PRKD1: variants seen among roughly 807,000 people sequenced by gnomAD.
The protein encoded by PRKD1 is protein kinase D1.
In PRKD1, 63 loss-of-function variants were observed where a neutral mutation model predicts 95.9. The ratio of observed to expected loss-of-function variants is 0.66; its 90% CI spans 0.54 to 0.81. PRKD1 has a LOEUF of 0.81. Ranked by LOEUF, PRKD1 falls within the 30% of genes least tolerant of loss-of-function variation. The pLI is 0.00. For missense variants in PRKD1, 1,048 were observed against 1,165.3 expected (o/e 0.90, Z 1.47); for synonymous variants, 425 against 423.1 (o/e 1.00, Z -0.05).
chr14:29,864,232 C>T (rs963385650), intron 1 of PRKD1, among the ~76,000 whole-genome samples: 4 of 151,968 alleles, frequency 2.6e-5, no homozygotes, highest in African/African-American at 9.7e-5. Flanking sequence ...CAGAAGACAA[C>T]TATATAACTG....
chr14:29,769,879 C>T (rs540080051), intron 1 of PRKD1, among the ~76,000 whole-genome samples: 19 of 152,294 alleles, frequency 1.2e-4, no homozygotes, highest in African/African-American at 4.6e-4. Context: ...ATTATACCTG[C>T]TATGATCTAA....
intron 1 of PRKD1, among the ~76,000 whole-genome samples, chr14:29,867,890 T>C (rs926171433): frequency 3.9e-5 from 6 of 152,194 alleles, no homozygotes; most frequent in Non-Finnish European, 8.8e-5. Context: ...TTTTAAACTA[T>C]AAAGAATCTA....
chr14:29,647,847 G>A (rs1338584081), intron 4 of PRKD1, among the ~76,000 whole-genome samples: 2 of 152,204 alleles, frequency 1.3e-5, no homozygotes, highest in Admixed American at 6.5e-5. Flanking sequence ...GAAAGACTGA[G>A]CACCGGACAA....
intron 4 of PRKD1, among the ~76,000 whole-genome samples, chr14:29,651,369 A>G (rs964463706): frequency 3.9e-5 from 6 of 152,234 alleles, no homozygotes; most frequent in African/African-American, 1.4e-4. Flanking sequence ...TAACTCCCTG[A>G]CATTGTCTCA....
At chr14:29,680,630 T>C (rs979873538) in intron 2 of PRKD1, among the ~76,000 whole-genome samples, 5 of 152,096 alleles carry the variant, frequency 3.3e-5, no homozygotes, top group African/African-American at 1.2e-4. Context: ...AGAGGAACAT[T>C]TGAAGGGAAA....
At chr14:29,614,182 T>C (rs1424339880) in intron 13 of PRKD1, among the ~76,000 whole-genome samples, 2 of 152,196 alleles carry the variant, frequency 1.3e-5, no homozygotes, top group Non-Finnish European at 2.9e-5. Context: ...CTTTCTTCCA[T>C]GGGGAGAACA....
At position 29,826,828 on chromosome 14, in the gene PRKD1, T is replaced by TACAC. The variant is rs1382731692; in HGVS notation, c.264+100420_264+100421insGTGT. Among the ~76,000 whole-genome samples, 260 of 35,220 alleles carry TACAC rather than the reference T, an allele frequency of 7.4e-3. 32 individuals carry two copies. Among genetic ancestry groups the TACAC allele is most frequent in the Non-Finnish European group, 0.01 (188 of 18,788 alleles). The allele number at this position is 35,220 out of a possible 152,430, so 23.1% of individuals were successfully genotyped here. A position where few individuals can be genotyped will look rare whatever the true frequency, so the allele number is the denominator to read the frequency against. On this transcript the variant is annotated intron_variant, in intron 1 of 17. Coordinates refer to ENST00000331968, the MANE Select transcript of PRKD1 (RefSeq NM_002742.3). ...ACATATATATACACATATATATATA[T>TACAC]ATATATATATACACACATATATATA...
At position 29,577,314 on chromosome 14, in the gene PRKD1, C is replaced by T. The variant is rs1412082706; in HGVS notation, c.2663G>A (p.Ser888Asn). The stretch of plus-strand genomic sequence containing the variant: ...CTCAGGAGTGTCACTGTGGCTAGCA[C>T]TTGGATTGATCAGGTGTGTGGGGTA... ...LQYPTHLINPSASHSDTPETE... is the reference protein window; with the variant it reads ...LQYPTHLINPNASHSDTPETE... The change falls in exon 18 of 18, where the codon AGT becomes AAT. Residue 888 changes from serine to asparagine, a missense_variant. Transcript: ENST00000331968. The T allele has an allele frequency of 1.2e-6, 2 of 1,613,834 alleles. No individual in the cohort carries two copies. Among genetic ancestry groups the T allele is most frequent in the South Asian group, 1.1e-5 (1 of 91,080 alleles).
intron 1 of PRKD1, among the ~76,000 whole-genome samples, chr14:29,923,604 C>T (rs2139144009): frequency 6.6e-6 from 1 of 152,202 alleles, no homozygotes; most frequent in Non-Finnish European, 1.5e-5. Context: ...GAGCTATCTA[C>T]TTAAAATCTC....
chr14:29,749,036 G>A (rs45459508), intron 1 of PRKD1, among the ~76,000 whole-genome samples: 70 of 152,272 alleles, frequency 4.6e-4, no homozygotes, highest in African/African-American at 1.6e-3. Flanking sequence ...ATAAGTATAT[G>A]TAGGAGTGGG....
chr14:29,742,644 G>A (rs1251834316), intron 1 of PRKD1, among the ~76,000 whole-genome samples: 1 of 152,136 alleles, frequency 6.6e-6, no homozygotes, highest in Non-Finnish European at 1.5e-5. Context: ...ATCTATAGAT[G>A]TTCATGTTCT....
chr14:29,676,177 G>GTTTTTTTTTT lies in PRKD1; in HGVS notation c.404-9970_404-9969insAAAAAAAAAA, dbSNP rs147308040. ...GCTGTAGGCATGCATAGTTCATTAC[G>GTTTTTTTTTT]TTTTTGTTTTTTTTTTTTTTTTTTT... On this transcript the variant is annotated intron_variant, in intron 2 of 17. Transcript: ENST00000331968. Among the ~76,000 whole-genome samples, 23 of 104,744 alleles carry GTTTTTTTTTT rather than the reference G, an allele frequency of 2.2e-4. 2 individuals carry two copies. Among genetic ancestry groups the GTTTTTTTTTT allele is most frequent in the African/African-American group, 5.9e-4 (14 of 23,882 alleles). The allele number at this position is 104,744 out of a possible 152,430, so 68.7% of individuals were successfully genotyped here.
At chr14:29,714,205 A>T (rs1885480536) in intron 2 of PRKD1, among the ~76,000 whole-genome samples, 2 of 152,214 alleles carry the variant, frequency 1.3e-5, no homozygotes, top group Non-Finnish European at 1.5e-5. Context: ...CTAAGGTATG[A>T]GGAATTTGTG....
chr14:29,721,513 A>C (rs537478818), intron 2 of PRKD1, among the ~76,000 whole-genome samples: 91 of 152,216 alleles, frequency 6.0e-4, no homozygotes, highest in African/African-American at 2.0e-3. Flanking sequence ...AACCAACCAA[A>C]CAAACAGTGT....
At chr14:29,766,356 T>C (rs1429566351) in intron 1 of PRKD1, among the ~76,000 whole-genome samples, 1 of 152,048 alleles carries the variant, frequency 6.6e-6, no homozygotes, top group Non-Finnish European at 1.5e-5. Flanking sequence ...CATGACACAA[T>C]GCATGCTGGA....
At chr14:29,744,695 C>T (rs572016370) in intron 1 of PRKD1, among the ~76,000 whole-genome samples, 2 of 152,112 alleles carry the variant, frequency 1.3e-5, no homozygotes, top group South Asian at 2.1e-4. Flanking sequence ...TACAGGTGCC[C>T]GCCACCATGC....
intron 1 of PRKD1, among the ~76,000 whole-genome samples, chr14:29,766,473 A>T (rs1352734793): frequency 6.6e-6 from 1 of 152,214 alleles, no homozygotes; most frequent in Non-Finnish European, 1.5e-5. Flanking sequence ...GTATGATAAC[A>T]ACGTCAACTG....
At position 29,862,152 on chromosome 14, in the gene PRKD1, T is replaced by G. The variant is rs972313066; in HGVS notation, c.264+65097A>C. 6.6e-5 allele frequency among the ~76,000 whole-genome samples: 10 copies of G among 152,338 alleles called. No homozygotes were observed. In the South Asian group the frequency reaches 1.7e-3, roughly 25 times the overall value. On this transcript the variant is annotated intron_variant, in intron 1 of 17. Transcript: ENST00000331968. ...TGAGGTTTATCTTTCTGTGCCTGTTTTATTTCACTTAACATAATGACCACC... is the reference window on the plus strand; with the variant it reads ...TGAGGTTTATCTTTCTGTGCCTGTTGTATTTCACTTAACATAATGACCACC...
intron 1 of PRKD1, among the ~76,000 whole-genome samples, chr14:29,803,226 T>G (rs562226444): frequency 6.6e-6 from 1 of 152,264 alleles, no homozygotes; most frequent in East Asian, 1.9e-4. Flanking sequence ...AAAACAGAGC[T>G]AAGGTCCAAA....
Sources: gnomAD v4.1 joint callset for allele counts (sites outside exome capture counted in the v4.1 genomes callset) on GRCh38, gnomAD v4.1.1 for gene constraint, MANE v1.5 for transcripts, NCBI Gene and HGNC (gene_info 2026-07-23, HGNC 2026-07-21) for gene names.